The following BRDT variants were observed in gnomAD, a reference collection of about 807,000 sequenced individuals.
BRDT encodes bromodomain testis associated.
In BRDT, 77 loss-of-function variants were observed where a neutral mutation model predicts 113.9. The observed-to-expected ratio is 0.68, with a 90% confidence interval of 0.56 to 0.82. The LOEUF is 0.82. Ranked by LOEUF, BRDT falls within the 40% of genes least tolerant of loss-of-function variation. The pLI, the probability that BRDT is intolerant of heterozygous loss-of-function variation, is 0.00. For missense variants in BRDT, 1,027 were observed against 1,105.4 expected (o/e 0.93, Z 1.01); for synonymous variants, 358 against 366.5 (o/e 0.98, Z 0.26).
intron 15 of BRDT, among the ~76,000 whole-genome samples, chr1:91,996,318 T>C (rs547347512): frequency 1.3e-5 from 2 of 152,226 alleles, no homozygotes; most frequent in Non-Finnish European, 2.9e-5. Context: ...GCACAACCTC[T>C]GCTCACCGCA....
intron 14 of BRDT, 108 bp downstream of exon 14, chr1:91,992,422 A>G: frequency 1.4e-6 from 1 of 690,276 alleles, no homozygotes. Flanking sequence ...CAAAAAAAAA[A>G]AAAAAAAACC....
At chr1:91,952,341 G>A (rs1420418843) in intron 1 of BRDT, 1 of 148,816 alleles carries the variant, frequency 6.7e-6, no homozygotes, top group Non-Finnish European at 1.5e-5. Flanking sequence ...TAAAGACAGT[G>A]GGTGGAGAGA....
intron 16 of BRDT, 131 bp from the exon 17 acceptor site, chr1:92,004,283 C>A: frequency 1.7e-6 from 1 of 574,404 alleles, no homozygotes. Context: ...TAACCTTTTA[C>A]TTTAGTAAAA....
chr1:92,004,208 T>C (rs990630154), intron 16 of BRDT, among the ~76,000 whole-genome samples: 1 of 152,180 alleles, frequency 6.6e-6, no homozygotes, highest in Non-Finnish European at 1.5e-5. Flanking sequence ...AGATTAATAA[T>C]TGAGTTTAGA....
chr1:91,962,142 CTCAAAAAAAAAAAAAAAAAAAAAAAAA>C, intron 1 of BRDT, among the ~76,000 whole-genome samples: 1 of 54,622 alleles, frequency 1.8e-5, no homozygotes, highest in African/African-American at 8.4e-5. Context: ...AAGACTCCGT[CTCAAAAAAAAAAAAAAAAAAAAAAAAA>C]AAAAAAAAAA....
intron 3 of BRDT, 48 bp from the exon 4 acceptor site, chr1:91,968,098 C>T: frequency 2.5e-6 from 4 of 1,585,418 alleles, no homozygotes; most frequent in Non-Finnish European, 2.6e-6. Flanking sequence ...ACATTTGGTA[C>T]AGTGACCATA....
chr1:92,009,069 T>A (rs1376828576), intron 18 of BRDT, among the ~76,000 whole-genome samples: 3 of 152,196 alleles, frequency 2.0e-5, no homozygotes, highest in Non-Finnish European at 2.9e-5. Flanking sequence ...GAATTCCTAC[T>A]GTCTAACTGA....
intron 12 of BRDT, among the ~76,000 whole-genome samples, chr1:91,983,544 A>G (rs10875107): frequency 0.99 from 150,248 of 152,228 alleles, 74,183 homozygotes; most frequent in East Asian, 1. Context: ...ATTAGCCACC[A>G]CGCCTGGCCT....
At chr1:91,967,447 G>T (rs770457928) in intron 3 of BRDT, among the ~76,000 whole-genome samples, 6 of 150,960 alleles carry the variant, frequency 4.0e-5, no homozygotes, top group African/African-American at 9.8e-5. Context: ...TGCCCAGGCT[G>T]GAGTGCGATG....
intron 18 of BRDT, among the ~76,000 whole-genome samples, chr1:92,008,594 T>C (rs180695232): frequency 1.2e-4 from 18 of 152,280 alleles, no homozygotes; most frequent in Non-Finnish European, 2.4e-4. Context: ...TGTGTAATGA[T>C]ATACATCAGC....
chr1:91,995,350 G>A (rs1458671751), intron 15 of BRDT, among the ~76,000 whole-genome samples: 1 of 151,426 alleles, frequency 6.6e-6, no homozygotes, highest in East Asian at 1.9e-4. Context: ...GGAGGAAGAG[G>A]GAGATGTTTT....
intron 1 of BRDT, among the ~76,000 whole-genome samples, chr1:91,951,960 G>T (rs1421215116): frequency 6.6e-6 from 1 of 152,204 alleles, no homozygotes; most frequent in Non-Finnish European, 1.5e-5. Flanking sequence ...AAGGTCAGAG[G>T]ATCGCCTGAG....
At chr1:91,991,405 A>G (rs74356353) in intron 13 of BRDT, among the ~76,000 whole-genome samples, 160 bp downstream of exon 13, 2,391 of 152,312 alleles carry the variant, frequency 0.016, 47 homozygotes, top group African/African-American at 0.046. Context: ...CTTCCTGAAG[A>G]AAACCGAATA....
intron 1 of BRDT, among the ~76,000 whole-genome samples, chr1:91,952,753 G>A (rs1211463118): frequency 7.9e-6 from 1 of 125,824 alleles, no homozygotes; most frequent in Non-Finnish European, 1.6e-5. Flanking sequence ...AGACCAGCCT[G>A]GGTAACGTAG....
chr1:91,990,423 C>G (rs2101731441), intron 12 of BRDT, among the ~76,000 whole-genome samples: 1 of 152,188 alleles, frequency 6.6e-6, no homozygotes, highest in East Asian at 1.9e-4. Context: ...AAATGACATC[C>G]CCTTCTCTTA....
chr1:91,956,876 T>G (rs150485640), intron 1 of BRDT, among the ~76,000 whole-genome samples: 23 of 152,222 alleles, frequency 1.5e-4, no homozygotes, highest in Admixed American at 4.6e-4. Flanking sequence ...GAGTTCAAGA[T>G]TGCAGTGAGC....
intron 1 of BRDT, 37 bp from the exon 2 acceptor site, chr1:91,962,681 T>C: frequency 2.3e-6 from 3 of 1,283,834 alleles, no homozygotes; most frequent in Non-Finnish European, 3.2e-6. Context: ...AAACCATTCC[T>C]AAAGTGCTTC....
intron 12 of BRDT, among the ~76,000 whole-genome samples, chr1:91,983,486 C>T (rs1306464643): frequency 6.6e-6 from 1 of 151,944 alleles, no homozygotes; most frequent in Admixed American, 6.6e-5. Flanking sequence ...GATCTCCTGA[C>T]CTTGTGATCC....
intron 1 of BRDT, among the ~76,000 whole-genome samples, chr1:91,954,549 G>A (rs893015637): frequency 6.6e-6 from 1 of 152,074 alleles, no homozygotes; most frequent in Non-Finnish European, 1.5e-5. Context: ...CAAAGTGTTG[G>A]GTTTACAGAC....
Sources: gnomAD v4.1 joint callset for allele counts (sites outside exome capture counted in the v4.1 genomes callset) on GRCh38, gnomAD v4.1.1 for gene constraint, MANE v1.5 for transcripts, NCBI Gene and HGNC (gene_info 2026-07-23, HGNC 2026-07-21) for gene names.